The following RICTOR variants were observed in gnomAD, a reference collection of about 807,000 sequenced individuals.
The protein encoded by RICTOR is RPTOR independent companion of MTOR complex 2, also known as rapamycin-insensitive companion of mTOR.
RICTOR carries 49 observed loss-of-function variants against 214.9 expected under a neutral mutation model. That is an observed-to-expected ratio of 0.23 (90% confidence interval 0.18 to 0.29). The LOEUF is 0.29. Among genes scored for constraint, RICTOR ranks in the 10% least tolerant of loss-of-function variants. RICTOR has a pLI of 1.00. For missense variants in RICTOR, 1,625 were observed against 2,047.0 expected (o/e 0.79, Z 3.98); for synonymous variants, 717 against 711.3 (o/e 1.01, Z -0.13).
intron 4 of RICTOR, 139 bp from the exon 5 acceptor site, chr5:39,002,805 T>C: frequency 1.1e-5 from 8 of 758,210 alleles, no homozygotes; most frequent in Non-Finnish European, 1.7e-5. Flanking sequence ...TCTACATATA[T>C]AAAAATTACT....
At chr5:39,027,153 A>G (rs1196570501) in intron 2 of RICTOR, among the ~76,000 whole-genome samples, 1 of 152,202 alleles carries the variant, frequency 6.6e-6, no homozygotes, top group African/African-American at 2.4e-5. Flanking sequence ...TTTGGAAGTG[A>G]GGACTGTATA....
At chr5:38,993,458 G>C (rs898292446) in intron 6 of RICTOR, among the ~76,000 whole-genome samples, 3 of 151,882 alleles carry the variant, frequency 2.0e-5, no homozygotes, top group African/African-American at 4.8e-5. Flanking sequence ...GCATTGGAAG[G>C]GGGAGAGAGA....
chr5:39,043,133 G>A lies in RICTOR; in HGVS notation c.98-21997C>T, dbSNP rs1757279346. Among the ~76,000 whole-genome samples, 3 of 152,038 alleles carry A rather than the reference G, an allele frequency of 2.0e-5. No homozygotes were observed. In the South Asian group the frequency reaches 6.2e-4, roughly 31 times the overall value. ...TTCCACTACTAGGTATATAAATATA[G>A]CCAAAGGAAACGAAATCAGCATATC... is the stretch of plus-strand genomic sequence containing the variant. On this transcript the variant is annotated intron_variant, in intron 2 of 37. Transcript: ENST00000357387.
intron 14 of RICTOR, 24 bp from the exon 15 acceptor site, chr5:38,966,745 C>G: frequency 3.2e-6 from 4 of 1,240,982 alleles, no homozygotes; most frequent in Non-Finnish European, 4.6e-6. Flanking sequence ...AAGATAACAC[C>G]ACTGTTGCAA....
At chr5:38,955,976 A>T (rs1749228203) in intron 25 of RICTOR, among the ~76,000 whole-genome samples, 1 of 151,988 alleles carries the variant, frequency 6.6e-6, no homozygotes, top group Admixed American at 6.6e-5. Flanking sequence ...ACATATTGAA[A>T]ATTCATTAGC....
chr5:39,051,568 C>A (rs1757851439), intron 2 of RICTOR, among the ~76,000 whole-genome samples: 2 of 151,930 alleles, frequency 1.3e-5, no homozygotes, highest in Admixed American at 6.5e-5. Flanking sequence ...GCCAACATGG[C>A]GAAACCCCAT....
At chr5:38,981,804 C>T (rs2150061321) in intron 8 of RICTOR, 63 bp downstream of exon 8, 1 of 1,173,218 alleles carries the variant, frequency 8.5e-7, no homozygotes, top group Non-Finnish European at 1.2e-6. Flanking sequence ...TTTAGTATTT[C>T]AAAGTAAAAG....
intron 9 of RICTOR, 58 bp from the exon 10 acceptor site, chr5:38,975,662 T>A: frequency 8.0e-7 from 1 of 1,247,316 alleles, no homozygotes; most frequent in Admixed American, 1.7e-5. Flanking sequence ...TAAAATGAGT[T>A]TTTTCCTGCT....
chr5:38,981,989 T>G lies in RICTOR; in HGVS notation c.631A>C (p.Ile211Leu), dbSNP rs201132232. Residue 211 changes from isoleucine (I) to leucine (L), a missense_variant, in exon 8 of 38, where the codon ATC (isoleucine) becomes CTC (leucine). Around this residue, in one of 5 missense-constraint regions of RICTOR, gnomAD observed 258 missense variants for 393.7 expected, o/e 0.66. Transcript: ENST00000357387. ...VVALRGGLNT[I>L]LKNVIDCQLS... ...TGGCAATCGATCACATTTTTCAAGA[T>G]GGTGTTTAGTCCACCTCGAAGGGCC... 3 of 1,613,432 alleles carry G rather than the reference T, an allele frequency of 1.9e-6. No homozygotes were observed.
intron 10 of RICTOR, among the ~76,000 whole-genome samples, chr5:38,974,080 C>T (rs1270466730): frequency 6.7e-6 from 1 of 149,898 alleles, no homozygotes; most frequent in African/African-American, 2.5e-5. Context: ...GACAGAGTCT[C>T]GCTCTATCAC....
intron 2 of RICTOR, among the ~76,000 whole-genome samples, chr5:39,024,976 G>C (rs1755700207): frequency 1.3e-5 from 2 of 152,242 alleles, no homozygotes; most frequent in South Asian, 2.1e-4. Context: ...CCTCTCTAAT[G>C]TATCTAACAT....
intron 19 of RICTOR, 44 bp from the exon 20 acceptor site, chr5:38,960,577 A>G (rs768649658): frequency 6.3e-7 from 1 of 1,587,792 alleles, no homozygotes; most frequent in Non-Finnish European, 8.6e-7. Flanking sequence ...AAATGAAGCA[A>G]TTATTTTAGA....
chr5:39,069,814 G>C (rs1483989212), intron 2 of RICTOR, among the ~76,000 whole-genome samples: 1 of 152,102 alleles, frequency 6.6e-6, no homozygotes, highest in African/African-American at 2.4e-5. Context: ...ATTCCCAAGA[G>C]AGCACATATT....
chr5:38,993,911 G>A (rs916854956), intron 6 of RICTOR, among the ~76,000 whole-genome samples: 4 of 152,124 alleles, frequency 2.6e-5, no homozygotes, highest in African/African-American at 9.7e-5. Flanking sequence ...GGCCAGGCGC[G>A]GTGGCTCACG....
chr5:38,938,844 T>TA lies in RICTOR; in HGVS notation c.*3459dup. 4.3e-6 allele frequency: 1 copy of TA among 233,132 alleles called. No individual in the cohort carries two copies. Among genetic ancestry groups the TA allele is most frequent in the Non-Finnish European group, 8.5e-6 (1 of 117,698 alleles). The allele number at this position is 233,132 out of a possible 1,614,324, so 14.4% of individuals were successfully genotyped here. ...CAGAGACAATGGAGACTTCCTAACT[T>TA]ACATTTTGGAAAATCTGAAATGTTG... is the stretch of plus-strand genomic sequence containing the variant. On this transcript the variant is annotated 3_prime_UTR_variant, in exon 38 of 38. Transcript: ENST00000357387.
chr5:39,017,102 C>G (rs1755018380), intron 3 of RICTOR, among the ~76,000 whole-genome samples: 1 of 152,062 alleles, frequency 6.6e-6, no homozygotes, highest in South Asian at 2.1e-4. Flanking sequence ...AAGACCCATG[C>G]TAGTAACAAA....
chr5:38,977,265 C>G (rs1399410965), intron 9 of RICTOR, among the ~76,000 whole-genome samples: 2 of 152,188 alleles, frequency 1.3e-5, no homozygotes, highest in African/African-American at 2.4e-5. Flanking sequence ...GATTCTTCAC[C>G]AGAGCCTCCA....
chr5:38,949,308 T>TA, intron 31 of RICTOR: 3 of 1,226,206 alleles, frequency 2.4e-6, no homozygotes, highest in Admixed American at 2.4e-5. Flanking sequence ...TTTATCTTTT[T>TA]AAAAAAATAA....
In RICTOR at chr5:39,074,114, G is replaced by C. The variant is rs2150229748; in HGVS notation, c.94C>G (p.Arg32Gly). ...CGCCCGCGGCGCCCCGCGTTACCTC[G>C]GGTCAGATCCAGCGGGACGTTCTCC... ...GEENVPLDLT[R>G]EPSDNLREIL... The change falls in exon 2 of 38, where the codon CGA (arginine) becomes GGA (glycine). Residue 32 changes from arginine (R) to glycine (G), a missense_variant. Physicochemically the swap from Arg to Gly is moderately radical, Grantham distance 125 (BLOSUM62 -2). This residue lies in a region of RICTOR where 71 missense variants were observed against 57.9 expected (regional missense o/e 1.23). Transcript: ENST00000357387. The C allele has an allele frequency of 6.4e-7, 1 of 1,572,274 alleles. No individual in the cohort carries two copies. The highest frequency in any genetic ancestry group is 1.1e-5 in the South Asian group (1 of 87,282).
Sources: allele counts gnomAD v4.1 joint callset (sites outside exome capture counted in the v4.1 genomes callset), GRCh38; gene constraint gnomAD v4.1.1; regional missense constraint gnomAD v4.1.1; transcripts MANE v1.5; gene names NCBI Gene and HGNC (gene_info 2026-07-23, HGNC 2026-07-21).